CACNA2D3: variants seen among roughly 807,000 people sequenced by gnomAD.
CACNA2D3 encodes the protein voltage-dependent calcium channel subunit alpha-2/delta-3.
A neutral mutation model predicts 160.6 loss-of-function variants in CACNA2D3; 60 were observed. The ratio of observed to expected loss-of-function variants is 0.37; its 90% CI spans 0.30 to 0.46. The LOEUF (loss-of-function observed/expected upper bound fraction) is 0.46, where lower values mean the gene tolerates loss of function less well. Among genes scored for constraint, CACNA2D3 ranks in the 20% least tolerant of loss-of-function variants. The pLI, the probability that CACNA2D3 is intolerant of heterozygous loss-of-function variation, is 1.00. For synonymous variants in CACNA2D3, 558 were observed against 492.9 expected (o/e 1.13, Z -1.75); for missense variants, 1,205 against 1,365.0 (o/e 0.88, Z 1.85).
chr3:55,054,801 G>A (rs1704322480), intron 35 of CACNA2D3, among the ~76,000 whole-genome samples: 2 of 151,980 alleles, frequency 1.3e-5, no homozygotes, highest in South Asian at 4.2e-4. Flanking sequence ...AGATGTCCTG[G>A]ATTCTGTTAT....
intron 11 of CACNA2D3, among the ~76,000 whole-genome samples, chr3:54,658,937 C>A (rs1699921787): frequency 6.6e-6 from 1 of 152,136 alleles, no homozygotes; most frequent in Admixed American, 6.5e-5. Context: ...ATGCAAGATA[C>A]ACAACTACTT....
At position 54,455,441 on chromosome 3, in the gene CACNA2D3, T is replaced by C. The variant is rs143238140; in HGVS notation, c.382-48051T>C. Among the ~76,000 whole-genome samples, 417 of 152,276 alleles carry C rather than the reference T, an allele frequency of 2.7e-3. 1 individual carries two copies. Among genetic ancestry groups the C allele is most frequent in the Non-Finnish European group, 3.9e-3 (268 of 67,990 alleles). On this transcript the variant is annotated intron_variant, in intron 4 of 37. Coordinates refer to ENST00000474759, the MANE Select transcript of CACNA2D3 (RefSeq NM_018398.3). ...CCATTTTTAATCAGATTATTTGTTT[T>C]TCTAATGTTGTATGAGTTTTTTGTA...
rs1339825616 is a variant in CACNA2D3, at chr3:54,303,823, T to TTG, written c.205-16618_205-16617insGT. On this transcript the variant is annotated intron_variant, in intron 2 of 37. Transcript: ENST00000474759. ...TCATCAGTGACTTTTTTTCTGTTTT[T>TTG]TTTTTTTTTTTTTTTCTATTGCTTA... 3.5e-3 allele frequency among the ~76,000 whole-genome samples: 395 copies of TTG among 111,294 alleles called. 5 individuals carry two copies. The highest frequency in any genetic ancestry group is 0.012 in the African/African-American group (317 of 26,864). 73.0% of individuals were successfully genotyped at this position (111,294 alleles called of 152,430 possible). A position where few individuals can be genotyped will look rare whatever the true frequency, so the allele number is the denominator to read the frequency against.
At chr3:54,829,774 T>C (rs1001210564) in intron 14 of CACNA2D3, among the ~76,000 whole-genome samples, 44 of 151,858 alleles carry the variant, frequency 2.9e-4, no homozygotes, top group Admixed American at 4.6e-4. Context: ...GGAGTTGGTG[T>C]CCCTTTTGTT....
intron 10 of CACNA2D3, 71 bp downstream of exon 10, chr3:54,627,947 G>A: frequency 9.6e-7 from 1 of 1,042,562 alleles, no homozygotes; most frequent in Non-Finnish European, 1.5e-6. Flanking sequence ...AAAATTGTGG[G>A]CCAGGCTGGG....
chr3:54,695,373 T>A (rs947346682), intron 11 of CACNA2D3, among the ~76,000 whole-genome samples: 1 of 152,102 alleles, frequency 6.6e-6, no homozygotes, highest in African/African-American at 2.4e-5. Context: ...AAGTTTAGTT[T>A]TTTTTTTCTG....
intron 2 of CACNA2D3, among the ~76,000 whole-genome samples, chr3:54,226,386 G>T (rs1017810900): frequency 7.2e-6 from 1 of 138,588 alleles, no homozygotes; most frequent in Non-Finnish European, 1.5e-5. Context: ...TCACAGCTCT[G>T]CAACCTCCTG....
At chr3:54,556,019 T>A (rs1434552007) in intron 5 of CACNA2D3, among the ~76,000 whole-genome samples, 1 of 152,180 alleles carries the variant, frequency 6.6e-6, no homozygotes, top group African/African-American at 2.4e-5. Context: ...CCTTGAAACA[T>A]CCTTCACTAG....
chr3:54,605,791 G>A (rs1184122565), intron 9 of CACNA2D3, among the ~76,000 whole-genome samples: 1 of 152,202 alleles, frequency 6.6e-6, no homozygotes, highest in East Asian at 1.9e-4. Context: ...AATTAGATAA[G>A]TGAGTTTGTA....
intron 11 of CACNA2D3, among the ~76,000 whole-genome samples, chr3:54,651,369 A>G (rs1312343696): frequency 6.6e-6 from 1 of 151,796 alleles, no homozygotes; most frequent in Non-Finnish European, 1.5e-5. Context: ...GGAGAACTTC[A>G]AGATGAGTGC....
At chr3:54,641,975 TG>T (rs1559536403) in intron 10 of CACNA2D3, among the ~76,000 whole-genome samples, 152 bp from the exon 11 acceptor site, 1 of 152,128 alleles carries the variant, frequency 6.6e-6, no homozygotes, top group African/African-American at 2.4e-5. Context: ...GTGATCTGTG[TG>T]GAAAGACTTT....
chr3:54,910,105 A>G (rs2106907409), intron 27 of CACNA2D3, among the ~76,000 whole-genome samples: 1 of 152,178 alleles, frequency 6.6e-6, no homozygotes, highest in East Asian at 1.9e-4. Context: ...GGATGTTAGG[A>G]TCAATGCCTG....
At chr3:54,523,467 T>G (rs1294713687) in intron 5 of CACNA2D3, among the ~76,000 whole-genome samples, 3 of 152,196 alleles carry the variant, frequency 2.0e-5, no homozygotes, top group African/African-American at 7.2e-5. Context: ...TTTGCAGTCA[T>G]ATTTATAAAA....
intron 9 of CACNA2D3, among the ~76,000 whole-genome samples, chr3:54,622,660 A>G (rs1394687854): frequency 6.6e-6 from 1 of 152,012 alleles, no homozygotes; most frequent in Non-Finnish European, 1.5e-5. Flanking sequence ...ATATGATGGC[A>G]TTAAACATAA....
intron 6 of CACNA2D3, among the ~76,000 whole-genome samples, chr3:54,565,659 A>G (rs58601445): frequency 0.012 from 1,769 of 152,314 alleles, 27 homozygotes; most frequent in African/African-American, 0.038. Context: ...AACTTTATTT[A>G]AAATTAAAAT....
intron 2 of CACNA2D3, among the ~76,000 whole-genome samples, chr3:54,186,701 T>C (rs1323208430): frequency 6.6e-6 from 1 of 152,176 alleles, no homozygotes; most frequent in Non-Finnish European, 1.5e-5. Flanking sequence ...GTGTCTGGAT[T>C]TATGATATCT....
At chr3:54,360,970 G>A (rs1034837034) in intron 3 of CACNA2D3, among the ~76,000 whole-genome samples, 1 of 151,986 alleles carries the variant, frequency 6.6e-6, no homozygotes, top group Non-Finnish European at 1.5e-5. Flanking sequence ...GAGTGTTTGA[G>A]AGTCTATATA....
At chr3:54,364,827 A>G (rs1159175354) in intron 3 of CACNA2D3, among the ~76,000 whole-genome samples, 1 of 152,268 alleles carries the variant, frequency 6.6e-6, no homozygotes, top group Non-Finnish European at 1.5e-5. Flanking sequence ...TTTTGACATC[A>G]ATGAATAACC....
chr3:54,321,610 A>G (rs770232534), intron 3 of CACNA2D3, among the ~76,000 whole-genome samples: 3 of 152,152 alleles, frequency 2.0e-5, no homozygotes, highest in Non-Finnish European at 2.9e-5. Flanking sequence ...TGTTAGTATT[A>G]TCCCCATTTT....
Sources: allele counts gnomAD v4.1 joint callset (sites outside exome capture counted in the v4.1 genomes callset), GRCh38; gene constraint gnomAD v4.1.1; transcripts MANE v1.5; gene names NCBI Gene and HGNC (gene_info 2026-07-23, HGNC 2026-07-21).